The following MGST2 variants were observed in gnomAD, a reference collection of about 807,000 sequenced individuals.
MGST2 encodes glutathione peroxidase MGST2.
Under a neutral mutation model 16.6 loss-of-function variants are expected in MGST2, and 9 were observed. That is an observed-to-expected ratio of 0.54 (90% CI 0.33 to 0.95). The LOEUF (loss-of-function observed/expected upper bound fraction) is 0.95. Ranked by LOEUF, MGST2 falls within the 40% of genes least tolerant of loss-of-function variation. The probability of loss-of-function intolerance (pLI) is 0.03; values close to 1 mark genes in which losing one functional copy is unlikely to be tolerated. For synonymous variants in MGST2, 79 were observed against 68.0 expected, an observed-to-expected ratio of 1.16 and a Z score of -0.79; for missense variants, 159 against 175.1, an observed-to-expected ratio of 0.91 and a Z score of 0.52.
At chr4:139,704,649 G>A (rs778653673), downstream of MGST2, among the ~76,000 whole-genome samples, 2 of 152,208 alleles carry the variant, frequency 1.3e-5, no homozygotes, top group East Asian at 1.9e-4. Context: ...AAGGCTGGGC[G>A]TGGTGGCTCA....
chr4:139,668,967 C>T (rs183555521), intron 1 of MGST2, among the ~76,000 whole-genome samples: 255 of 152,138 alleles, frequency 1.7e-3, no homozygotes, highest in African/African-American at 5.8e-3. Context: ...TCTCAGGGCC[C>T]GAACCCCCAT....
At chr4:139,678,884 C>T (rs1731097942) in intron 2 of MGST2, 1 of 569,478 alleles carries the variant, frequency 1.8e-6, no homozygotes, top group East Asian at 3.0e-5. Context: ...AGGCTGGGAT[C>T]TCAGGAGGGA....
intron 2 of MGST2, among the ~76,000 whole-genome samples, chr4:139,692,928 A>G (rs1391923703): frequency 6.6e-6 from 1 of 152,200 alleles, no homozygotes; most frequent in Admixed American, 6.5e-5. Flanking sequence ...AAAAACCTCT[A>G]AATAATTAGA....
intron 2 of MGST2, among the ~76,000 whole-genome samples, chr4:139,692,199 T>G (rs1221837620): frequency 6.6e-6 from 1 of 152,134 alleles, no homozygotes; most frequent in Non-Finnish European, 1.5e-5. Context: ...GAAAGAAAGG[T>G]ACAGAGATAT....
intron 3 of MGST2, among the ~76,000 whole-genome samples, chr4:139,696,179 G>A (rs1726912069): frequency 1.3e-5 from 2 of 152,186 alleles, no homozygotes; most frequent in South Asian, 4.1e-4. Context: ...AAGAAGAGGG[G>A]TTGGTTTTGC....
At chr4:139,721,807 A>G (rs1728245342) in intron 5 of MGST2, among the ~76,000 whole-genome samples, 1 of 152,226 alleles carries the variant, frequency 6.6e-6, no homozygotes, top group South Asian at 2.1e-4. Flanking sequence ...ATTTTTTGAA[A>G]AATCGAAAGT....
intron 5 of MGST2, among the ~76,000 whole-genome samples, chr4:139,729,429 G>C (rs573200158): frequency 8.5e-5 from 13 of 152,184 alleles, no homozygotes; most frequent in African/African-American, 3.1e-4. Flanking sequence ...AGACCAGCCT[G>C]GTCAACATAG....
intron 5 of MGST2, among the ~76,000 whole-genome samples, chr4:139,728,674 C>G (rs1406726003): frequency 6.6e-6 from 1 of 152,208 alleles, no homozygotes; most frequent in Admixed American, 6.5e-5. Context: ...TTTCCCTTGT[C>G]TTTCCCAAGA....
At chr4:139,672,733 T>C (rs186767739) in intron 1 of MGST2, among the ~76,000 whole-genome samples, 11 of 152,258 alleles carry the variant, frequency 7.2e-5, no homozygotes, top group Non-Finnish European at 8.8e-5. Flanking sequence ...GTATTTTTAG[T>C]AGAGACGGGG....
At chr4:139,673,249 G>T (rs8192039) in intron 1 of MGST2, among the ~76,000 whole-genome samples, 1 of 152,060 alleles carries the variant, frequency 6.6e-6, no homozygotes, top group African/African-American at 2.4e-5. Flanking sequence ...CCAACTGAAC[G>T]TGGGTCCATT....
intron 1 of MGST2, among the ~76,000 whole-genome samples, chr4:139,667,969 C>A (rs536512885): frequency 6.6e-6 from 1 of 152,266 alleles, no homozygotes; most frequent in South Asian, 2.1e-4. Flanking sequence ...CAAGGAGATT[C>A]TAAGAACATC....
At chr4:139,700,664 C>G (rs2646035) in intron 3 of MGST2, among the ~76,000 whole-genome samples, 38,788 of 152,112 alleles carry the variant, frequency 0.25, 6,115 homozygotes, top group African/African-American at 0.45. Context: ...ACCCATGCAC[C>G]TTTTCTTAAA....
downstream of MGST2, among the ~76,000 whole-genome samples, chr4:139,707,583 G>C (rs1165204109): frequency 6.6e-6 from 1 of 151,900 alleles, no homozygotes; most frequent in Non-Finnish European, 1.5e-5. Context: ...TAATGGGATG[G>C]CTGGGTCAAA....
At chr4:139,672,577 CTT>C (rs34915408) in intron 1 of MGST2, among the ~76,000 whole-genome samples, 48 of 142,378 alleles carry the variant, frequency 3.4e-4, no homozygotes, top group Non-Finnish European at 2.6e-4. Flanking sequence ...CATTTACACA[CTT>C]TTTTTTTTTT....
At chr4:139,700,127 C>CTTTTTTTTTTTTTTTTTTTTT (rs56662682) in intron 3 of MGST2, among the ~76,000 whole-genome samples, 1 of 82,974 alleles carries the variant, frequency 1.2e-5, no homozygotes, top group Non-Finnish European at 2.1e-5. Flanking sequence ...TTTGGTTTTG[C>CTTTTTTTTTTTTTTTTTTTTT]TTTTTTTTTT....
chr4:139,740,225 G>C (rs1729113864), exon 6 of MGST2: 1 of 152,218 alleles, frequency 6.6e-6, no homozygotes, highest in Admixed American at 6.5e-5. Flanking sequence ...TGAAGCCACA[G>C]TGCATGGCCA....
At chr4:139,725,912 G>T in intron 5 of MGST2, 1 of 1,213,786 alleles carries the variant, frequency 8.2e-7, no homozygotes, top group Non-Finnish European at 1.2e-6. Context: ...CAGCAGTTCC[G>T]AGGAAGGTAG....
At chr4:139,725,943 T>A (rs1453134) in intron 5 of MGST2, 400 of 897,176 alleles carry the variant, frequency 4.5e-4, no homozygotes, top group African/African-American at 2.7e-3. Flanking sequence ...AAAACTAAAC[T>A]TTGTGTTGAA....
chr4:139,695,784 A>G (rs190763210), intron 3 of MGST2, among the ~76,000 whole-genome samples: 6 of 152,234 alleles, frequency 3.9e-5, no homozygotes, highest in Non-Finnish European at 7.3e-5. Flanking sequence ...GACAAACTAT[A>G]TGCTAGATAC....
Sources: allele counts gnomAD v4.1 joint callset (sites outside exome capture counted in the v4.1 genomes callset), GRCh38; gene constraint gnomAD v4.1.1; transcripts MANE v1.5; gene names NCBI Gene and HGNC (gene_info 2026-07-23, HGNC 2026-07-21).